The following ST6GAL1 variants were observed in gnomAD, a reference collection of about 807,000 sequenced individuals.
ST6GAL1 encodes beta-galactoside alpha-2,6-sialyltransferase 1.
Under a neutral mutation model 38.0 loss-of-function variants are expected in ST6GAL1, and 20 were observed. The ratio of observed to expected loss-of-function variants is 0.53; its 90% confidence interval spans 0.37 to 0.77. The LOEUF (loss-of-function observed/expected upper bound fraction) is 0.77, where lower values mean the gene tolerates loss of function less well. Among genes scored for constraint, ST6GAL1 ranks in the 30% least tolerant of loss-of-function variants. ST6GAL1 has a pLI of 0.00. For missense variants in ST6GAL1, 432 were observed against 496.4 expected (o/e 0.87, Z 1.23); for synonymous variants, 196 against 188.2 (o/e 1.04, Z -0.34).
intron 2 of ST6GAL1, among the ~76,000 whole-genome samples, chr3:187,025,890 A>T (rs1042790543): frequency 1.3e-5 from 2 of 152,158 alleles, no homozygotes; most frequent in Non-Finnish European, 2.9e-5. Flanking sequence ...GTACTCAGGG[A>T]AATGTTCTGA....
At position 187,076,663 on chromosome 3, in the gene ST6GAL1, T is replaced by A. The variant is rs1383887723; in HGVS notation, c.*860T>A. 7.6e-6 allele frequency: 3 copies of A among 396,232 alleles called. No individual in the cohort carries two copies. The highest frequency in any genetic ancestry group is 6.2e-5 in the African/African-American group (3 of 48,512). The allele number at this position is 396,232 out of a possible 1,614,324, so 24.5% of individuals were successfully genotyped here. On this transcript the variant is annotated 3_prime_UTR_variant, in exon 8 of 8. Coordinates refer to ENST00000169298, the MANE Select transcript of ST6GAL1 (RefSeq NM_173216.2). Reference sequence around the variant, plus strand: ...ATAGCACAGGGGGCATTCAGATGAGTCTTAGAGGAAGAGAAGAAACATGGC... The same window carrying A: ...ATAGCACAGGGGGCATTCAGATGAGACTTAGAGGAAGAGAAGAAACATGGC...
intron 1 of ST6GAL1, among the ~76,000 whole-genome samples, chr3:186,957,938 C>T (rs1714801269): frequency 6.6e-6 from 1 of 151,558 alleles, no homozygotes; most frequent in East Asian, 1.9e-4. Context: ...TTTGTTTCTC[C>T]AAAACTAGAC....
At chr3:187,074,614 G>A (rs111484911) in intron 7 of ST6GAL1, among the ~76,000 whole-genome samples, 2,035 of 152,230 alleles carry the variant, frequency 0.013, 43 homozygotes, top group African/African-American at 0.047. Context: ...ATAGGAGAGA[G>A]GACACCTTCT....
chr3:186,972,091 C>A (rs1285176496), intron 2 of ST6GAL1, among the ~76,000 whole-genome samples: 2 of 152,124 alleles, frequency 1.3e-5, no homozygotes, highest in East Asian at 3.9e-4. Context: ...CCCATGACAA[C>A]CCTAAGAATT....
rs1446290554 is a variant in ST6GAL1, at chr3:187,078,404, A to G, written c.*2601A>G. ...TGATAGCCATCTATTCATCTGGATC[A>G]TGGGACCCTCTCTAATCCTTCCACC... On this transcript the variant is annotated 3_prime_UTR_variant, in exon 8 of 8. Transcript: ENST00000169298. The G allele has an allele frequency of 6.6e-6, 1 of 152,208 alleles. No homozygotes were observed. Among genetic ancestry groups the G allele is most frequent in the African/African-American group, 2.4e-5 (1 of 41,450 alleles). The allele number at this position is 152,208 out of a possible 1,614,324, so 9.4% of individuals were successfully genotyped here.
chr3:187,072,526 C>G (rs1189359097), intron 5 of ST6GAL1: 2 of 358,306 alleles, frequency 5.6e-6, no homozygotes, highest in East Asian at 7.0e-5. Context: ...ACTCTTGTGA[C>G]CACCACACAA....
intron 2 of ST6GAL1, among the ~76,000 whole-genome samples, chr3:187,022,394 A>C (rs527623487): frequency 6.6e-6 from 1 of 152,274 alleles, no homozygotes; most frequent in East Asian, 1.9e-4. Flanking sequence ...GAGGGGCCTT[A>C]CAAGTCTTAA....
intron 2 of ST6GAL1, among the ~76,000 whole-genome samples, chr3:187,017,778 A>G (rs527702826): frequency 1.2e-4 from 18 of 152,302 alleles, no homozygotes; most frequent in African/African-American, 3.6e-4. Flanking sequence ...CACGACGGAC[A>G]TGGTTGGAAA....
Position 187,075,820 on chromosome 3 carries a change from C to G in ST6GAL1, c.*17C>G. On this transcript the variant is annotated 3_prime_UTR_variant, in exon 8 of 8. Coordinates refer to ENST00000169298, the MANE Select transcript of ST6GAL1 (RefSeq NM_173216.2). This position sits in a 1 kb window ranked among gnomAD's most constrained non-coding sequence, Gnocchi z 4.1. ...CACTGCTAAGCACAGGCTCCTCACT[C>G]TTCTCCATCAGGCATTAAATGAATG... 1.2e-6 allele frequency: 2 copies of G among 1,612,908 alleles called. No individual in the cohort carries two copies. Among genetic ancestry groups the G allele is most frequent in the Non-Finnish European group, 1.7e-6 (2 of 1,179,052 alleles).
chr3:187,058,340 G>A (rs1025337267), intron 5 of ST6GAL1, among the ~76,000 whole-genome samples: 5 of 152,172 alleles, frequency 3.3e-5, no homozygotes, highest in African/African-American at 4.8e-5. Context: ...AACCAGGTAC[G>A]TCAGTTGGAA....
chr3:187,043,089 C>A lies in ST6GAL1; in HGVS notation c.386C>A (p.Pro129Gln). ...MNKYKVSYKG[P>Q]GPGIKFSAEA... Reference sequence around the variant, plus strand: ...AAGTACAAAGTGTCCTACAAGGGGCCAGGACCAGGCATCAAGTTCAGTGCA... The same window carrying A: ...AAGTACAAAGTGTCCTACAAGGGGCAAGGACCAGGCATCAAGTTCAGTGCA... Residue 129 changes from proline (P) to glutamine (Q), a missense_variant, in exon 4 of 8, where the codon CCA becomes CAA. Transcript: ENST00000169298. The A allele has an allele frequency of 1.2e-6, 2 of 1,614,182 alleles. No homozygotes were observed. The highest frequency in any genetic ancestry group is 8.5e-7 in the Non-Finnish European group (1 of 1,180,024).
At chr3:187,016,554 C>T (rs992165299) in intron 2 of ST6GAL1, among the ~76,000 whole-genome samples, 5 of 151,874 alleles carry the variant, frequency 3.3e-5, no homozygotes, top group Admixed American at 6.6e-5. Context: ...GGAGGCAGTT[C>T]GAGGTTGAGA....
intron 2 of ST6GAL1, among the ~76,000 whole-genome samples, chr3:187,018,666 GGTC>G (rs1717197768): frequency 6.6e-6 from 1 of 152,072 alleles, no homozygotes; most frequent in African/African-American, 2.4e-5. Context: ...ATTAAGGGTG[GGTC>G]TGCCTTCCCC....
intron 2 of ST6GAL1, among the ~76,000 whole-genome samples, chr3:186,993,563 TA>T (rs1716254776): frequency 1.1e-4 from 2 of 18,886 alleles, no homozygotes; most frequent in Non-Finnish European, 2.2e-4. Context: ...GAGTTTTATT[TA>T]TTTATTTATT....
At chr3:186,983,959 A>G (rs555070822) in intron 2 of ST6GAL1, among the ~76,000 whole-genome samples, 4 of 152,266 alleles carry the variant, frequency 2.6e-5, no homozygotes, top group South Asian at 2.1e-4. Context: ...AGACTTTCCT[A>G]TCAGGCTTCC....
At chr3:187,037,417 T>C (rs1038429100) in intron 2 of ST6GAL1, among the ~76,000 whole-genome samples, 1 of 152,182 alleles carries the variant, frequency 6.6e-6, no homozygotes, top group African/African-American at 2.4e-5. Context: ...ATATTAACCC[T>C]TTTTATATTT....
intron 5 of ST6GAL1, among the ~76,000 whole-genome samples, chr3:187,067,394 C>CTT (rs3055154): frequency 7.1e-4 from 81 of 114,122 alleles, no homozygotes; most frequent in African/African-American, 1.8e-3. Context: ...GCAAGGCAAC[C>CTT]TTTTTTTTTT....
intron 4 of ST6GAL1, among the ~76,000 whole-genome samples, chr3:187,046,269 AGGATGTCTAGCCT>A (rs1277307449): frequency 4.6e-5 from 7 of 152,242 alleles, no homozygotes; most frequent in African/African-American, 1.7e-4. Flanking sequence ...GGCAGGAGCC[AGGATGTCTAGCCT>A]GGGAGCAGGC....
At chr3:186,941,032 T>C (rs537652035) in intron 1 of ST6GAL1, among the ~76,000 whole-genome samples, 1 of 152,284 alleles carries the variant, frequency 6.6e-6, no homozygotes, top group South Asian at 2.1e-4. Context: ...GAAAGCTGAA[T>C]TGAAGGGCTC....
Sources: allele counts gnomAD v4.1 joint callset (sites outside exome capture counted in the v4.1 genomes callset), GRCh38; gene constraint gnomAD v4.1.1; non-coding constraint Gnocchi (gnomAD v3.1); transcripts MANE v1.5; gene names NCBI Gene and HGNC (gene_info 2026-07-23, HGNC 2026-07-21).